Variants in CCDC7 observed in about 807,000 individuals in gnomAD.
CCDC7 encodes coiled-coil domain-containing protein 7.
A neutral mutation model predicts 196.9 loss-of-function variants in CCDC7; 183 were observed. The observed-to-expected ratio is 0.93, with a 90% confidence interval of 0.82 to 1.05. The LOEUF (loss-of-function observed/expected upper bound fraction) is 1.05. CCDC7 is among the 50% of genes least tolerant of loss of function. The pLI, the probability that CCDC7 is intolerant of heterozygous loss-of-function variation, is 0.00. For missense variants in CCDC7, 1,540 were observed against 1,482.2 expected (o/e 1.04, Z -0.64); for synonymous variants, 525 against 484.6 (o/e 1.08, Z -1.10).
In CCDC7 at chr10:32,509,239, G is replaced by A. The variant is rs143836995; in HGVS notation, c.873-8706G>A. Among the ~76,000 whole-genome samples, 739 of 152,164 alleles carry A rather than the reference G, an allele frequency of 4.9e-3. 9 individuals are homozygous for A. The highest frequency in any genetic ancestry group is 0.017 in the African/African-American group (699 of 41,524). Reference sequence around the variant, plus strand: ...AGACCCATGAAACAGATTAGCAAGCGCAGAAACAAACCCAAGCATAGGTAC... The same window carrying A: ...AGACCCATGAAACAGATTAGCAAGCACAGAAACAAACCCAAGCATAGGTAC... On this transcript the variant is annotated intron_variant, in intron 9 of 41. Coordinates refer to ENST00000639629, the Ensembl canonical transcript of CCDC7.
At chr10:32,805,994 G>A (rs1442601320) in intron 30 of CCDC7, among the ~76,000 whole-genome samples, 1 of 152,122 alleles carries the variant, frequency 6.6e-6, no homozygotes. Flanking sequence ...AGAAAGAAGG[G>A]GGAAGGTGCT....
chr10:32,534,181 C>T (rs1346729318), intron 11 of CCDC7, among the ~76,000 whole-genome samples: 3 of 152,050 alleles, frequency 2.0e-5, no homozygotes, highest in Admixed American at 6.6e-5. Flanking sequence ...GTCCATTCTG[C>T]TGTTGAGAGC....
intron 28 of CCDC7, among the ~76,000 whole-genome samples, chr10:32,757,498 G>A (rs1446884653): frequency 6.6e-6 from 1 of 152,234 alleles, no homozygotes; most frequent in Non-Finnish European, 1.5e-5. Context: ...GCTTCTGAAT[G>A]ACTACTGGGT....
intron 18 of CCDC7, among the ~76,000 whole-genome samples, chr10:32,594,648 C>A (rs141898604): frequency 0.017 from 2,641 of 152,264 alleles, 38 homozygotes; most frequent in Admixed American, 0.029. Context: ...GGGAACACTT[C>A]CAGTTTTTGC....
At chr10:32,619,278 G>C (rs765887566) in intron 18 of CCDC7, among the ~76,000 whole-genome samples, 1 of 151,906 alleles carries the variant, frequency 6.6e-6, no homozygotes. Context: ...TCTGTAAAAC[G>C]AAAGAGATTC....
At chr10:32,569,297 A>G (rs148420159) in intron 15 of CCDC7, among the ~76,000 whole-genome samples, 13 of 152,326 alleles carry the variant, frequency 8.5e-5, no homozygotes, top group Non-Finnish European at 1.6e-4. Flanking sequence ...GTTTATACTC[A>G]TTGTCCATGT....
chr10:32,799,909 T>A (rs1048903908), intron 29 of CCDC7, among the ~76,000 whole-genome samples: 77 of 152,192 alleles, frequency 5.1e-4, no homozygotes, highest in Non-Finnish European at 1.0e-4. Context: ...GGTAGTACAG[T>A]AAAGGTATGT....
At position 32,557,877 on chromosome 10, in the gene CCDC7, G is replaced by A. The variant is rs544044004; in HGVS notation, c.1135-7681G>A. On this transcript the variant is annotated intron_variant, in intron 13 of 41. Transcript: ENST00000639629. ...TGGCTAATTCAAAATGTGTTTTATA[G>A]ACATAGTGTCTTGCTATGTTGCCCA... Among the ~76,000 whole-genome samples, 3 of 152,160 alleles carry A rather than the reference G, an allele frequency of 2.0e-5. No individual in the cohort carries two copies. The East Asian group carries it at 5.8e-4, about 29-fold the overall frequency.
At chr10:32,654,379 G>A (rs1393610881) in intron 20 of CCDC7, among the ~76,000 whole-genome samples, 1 of 152,072 alleles carries the variant, frequency 6.6e-6, no homozygotes, top group African/African-American at 2.4e-5. Context: ...TCTTGTTTCT[G>A]TGCGTGTCTG....
chr10:32,661,202 C>G (rs2071339270), intron 20 of CCDC7, among the ~76,000 whole-genome samples: 3 of 150,022 alleles, frequency 2.0e-5, no homozygotes, highest in African/African-American at 5.0e-5. Context: ...ATTTATGCAG[C>G]CAAAAAACAC....
intron 5 of CCDC7, among the ~76,000 whole-genome samples, chr10:32,463,298 T>C (rs1195038931): frequency 6.6e-6 from 1 of 152,148 alleles, no homozygotes; most frequent in East Asian, 1.9e-4. Context: ...TTCCTAAAAT[T>C]GAATAATGGA....
intron 9 of CCDC7, among the ~76,000 whole-genome samples, chr10:32,493,245 A>G (rs2042415306): frequency 6.6e-6 from 1 of 151,988 alleles, no homozygotes; most frequent in Admixed American, 6.6e-5. Context: ...TTCTACATAT[A>G]AGTGAGATCA....
At chr10:32,606,230 A>C (rs1448588236) in intron 18 of CCDC7, among the ~76,000 whole-genome samples, 1 of 152,196 alleles carries the variant, frequency 6.6e-6, no homozygotes, top group African/African-American at 2.4e-5. Flanking sequence ...AGAGTAAAGG[A>C]GGCTTGGCAG....
At chr10:32,846,542 A>T in intron 37 of CCDC7, 83 bp downstream of exon 38, 1 of 799,738 alleles carries the variant, frequency 1.3e-6, no homozygotes, top group Non-Finnish European at 2.1e-6. Flanking sequence ...TTTAATGACA[A>T]TAGTGCCTAC....
chr10:32,469,327 C>A (rs1194543482), intron 5 of CCDC7, among the ~76,000 whole-genome samples: 1 of 152,160 alleles, frequency 6.6e-6, no homozygotes, highest in Non-Finnish European at 1.5e-5. Flanking sequence ...ATAGAGGGAA[C>A]AACTTCAACT....
At chr10:32,559,103 C>T (rs1325903197) in intron 13 of CCDC7, among the ~76,000 whole-genome samples, 4 of 152,196 alleles carry the variant, frequency 2.6e-5, no homozygotes, top group East Asian at 1.9e-4. Flanking sequence ...AAGGCGGCAG[C>T]GAGGCTGGGG....
At chr10:32,546,778 C>T (rs2052533301) in intron 13 of CCDC7, among the ~76,000 whole-genome samples, 1 of 152,162 alleles carries the variant, frequency 6.6e-6, no homozygotes, top group African/African-American at 2.4e-5. Context: ...ATGCTGTAAT[C>T]AACTTATGCT....
At chr10:32,573,626 G>T (rs1020682429) in intron 16 of CCDC7, among the ~76,000 whole-genome samples, 2 of 152,130 alleles carry the variant, frequency 1.3e-5, no homozygotes, top group Admixed American at 1.3e-4. Context: ...TGGAAGAAGG[G>T]TTCAATGGAG....
chr10:32,605,355 A>C (rs1247551326), intron 18 of CCDC7, among the ~76,000 whole-genome samples: 1 of 152,176 alleles, frequency 6.6e-6, no homozygotes, highest in Non-Finnish European at 1.5e-5. Flanking sequence ...GTACTGAGGA[A>C]TGGGGCGTTG....
Sources: gnomAD v4.1 joint callset for allele counts (sites outside exome capture counted in the v4.1 genomes callset) on GRCh38, gnomAD v4.1.1 for gene constraint, MANE v1.5 for transcripts, NCBI Gene and HGNC (gene_info 2026-07-23, HGNC 2026-07-21) for gene names.